Variants in BRIP1 observed in about 807,000 individuals in gnomAD.
BRIP1 encodes Fanconi anemia group J protein.
In BRIP1, 88 loss-of-function variants were observed where a neutral mutation model predicts 119.7. The ratio of observed to expected loss-of-function variants is 0.74; its 90% CI spans 0.62 to 0.88. The LOEUF (loss-of-function observed/expected upper bound fraction) is 0.88, where lower values mean the gene tolerates loss of function less well. BRIP1 is among the 40% of genes least tolerant of loss of function. The pLI is 0.00. For missense variants in BRIP1, 1,259 were observed against 1,455.4 expected, an observed-to-expected ratio of 0.87 and a Z score of 2.20; for synonymous variants, 443 against 496.5, an observed-to-expected ratio of 0.89 and a Z score of 1.43.
rs2061746913 is a variant in BRIP1 at position 61,709,969 on chromosome 17, A to G, written c.2492+5982T>C. On this transcript the variant is annotated intron_variant, in intron 17 of 19. Transcript: ENST00000259008. This position sits in a 1 kb window ranked among gnomAD's most constrained non-coding sequence, Gnocchi z 5.0. ...TACAAGAAGAGTGCCTCAGAGTATA[A>G]GCACCTTTTCTGTCAATCAATATAC... 1.3e-5 allele frequency among the ~76,000 whole-genome samples: 2 copies of G among 152,174 alleles called. No homozygotes were observed. The highest frequency in any genetic ancestry group is 2.4e-5 in the African/African-American group (1 of 41,456).
rs1297754665 is a variant in BRIP1, at chr17:61,853,187, T to C, written c.379+3871A>G. On this transcript the variant is annotated intron_variant, in intron 4 of 19. Coordinates refer to ENST00000259008, the MANE Select transcript of BRIP1 (RefSeq NM_032043.3). The surrounding 1 kb of genome is among the most constrained non-coding windows in gnomAD (Gnocchi z 4.3). ...CAACAGCATGAATGAATCTCACAAA[T>C]ACAATATTAAGCAGAAGACAGACAC... is the stretch of plus-strand genomic sequence containing the variant. Among the ~76,000 whole-genome samples, 1 of 151,550 alleles carries C rather than the reference T, an allele frequency of 6.6e-6. No homozygotes were observed. Among genetic ancestry groups the C allele is most frequent in the African/African-American group, 2.4e-5 (1 of 41,268 alleles).
chr17:61,688,851 G>A lies in BRIP1; in HGVS notation c.2576-2686C>T, dbSNP rs575791930. Among the ~76,000 whole-genome samples the A allele has an allele frequency of 2.5e-4, 38 of 150,180 alleles. 1 individual carries two copies. Among genetic ancestry groups the A allele is most frequent in the Admixed American group, 1.9e-3 (29 of 15,086 alleles). ...TTCAAGAAAATAATATAGAAAAAAA[G>A]GAGAATTTCAACAATGATAAAGAAT... On this transcript the variant is annotated intron_variant, in intron 18 of 19. Coordinates refer to ENST00000259008, the MANE Select transcript of BRIP1 (RefSeq NM_032043.3).
At position 61,816,371 on chromosome 17, in the gene BRIP1, T is replaced by C. The variant is rs376529179; in HGVS notation, c.628-7614A>G. Among the ~76,000 whole-genome samples the C allele has an allele frequency of 5.9e-5, 9 of 152,360 alleles. No homozygotes were observed. The East Asian group carries it at 1.5e-3, about 26-fold the overall frequency. On this transcript the variant is annotated intron_variant, in intron 6 of 19. Transcript: ENST00000259008. This position sits in a 1 kb window ranked among gnomAD's most constrained non-coding sequence, Gnocchi z 5.0. ...TGTGTAACTGAAGTCACTCAAATTC[T>C]ATTGTGAAGGTTGTAAGCAATATGT...
rs1349374639 is a variant in BRIP1 at position 61,823,092 on chromosome 17, A to G, written c.628-14335T>C. ...GCATCTTTCTTTAAAAGATTCATAC[A>G]TGTTTCCAATGCTGTTGTCAATATC... On this transcript the variant is annotated intron_variant, in intron 6 of 19. Transcript: ENST00000259008. This position sits in a 1 kb window ranked among gnomAD's most constrained non-coding sequence, Gnocchi z 4.8. Among the ~76,000 whole-genome samples the G allele has an allele frequency of 6.6e-6, 1 of 152,214 alleles. No individual in the cohort carries two copies. Among genetic ancestry groups the G allele is most frequent in the Admixed American group, 6.5e-5 (1 of 15,282 alleles).
rs560169472 is a variant in BRIP1, at chr17:61,796,974, T to C, written c.1340+2126A>G. Reference sequence around the variant, plus strand: ...TTACTTGAGGAACTGGTACATACTGTTTGCTTAGATGAGGAAGACTGGGGA... The same window carrying C: ...TTACTTGAGGAACTGGTACATACTGCTTGCTTAGATGAGGAAGACTGGGGA... On this transcript the variant is annotated intron_variant, in intron 9 of 19. Transcript: ENST00000259008. This position sits in a 1 kb window ranked among gnomAD's most constrained non-coding sequence, Gnocchi z 4.8. Among the ~76,000 whole-genome samples, 3 of 152,100 alleles carry C rather than the reference T, an allele frequency of 2.0e-5. No homozygotes were observed. In the East Asian group the frequency reaches 5.8e-4, roughly 29 times the overall value.
At chr17:61,863,097 G>A (rs1033254736) in intron 1 of BRIP1, among the ~76,000 whole-genome samples, 187 bp downstream of exon 1, 2 of 151,678 alleles carry the variant, frequency 1.3e-5, no homozygotes, top group Non-Finnish European at 2.9e-5. Flanking sequence ...GCAGCGCCCG[G>A]GCTAAGAACA....
chr17:61,777,082 T>C (rs2077546046), intron 13 of BRIP1, among the ~76,000 whole-genome samples: 1 of 152,124 alleles, frequency 6.6e-6, no homozygotes, highest in Non-Finnish European at 1.5e-5. Context: ...ATCTCCCTTA[T>C]ATGTAGAGAG....
In BRIP1 at chr17:61,758,310, C is replaced by T. The variant is rs1324603903; in HGVS notation, c.2098-13719G>A. 2.0e-5 allele frequency among the ~76,000 whole-genome samples: 3 copies of T among 152,116 alleles called. No homozygotes were observed. Among genetic ancestry groups the T allele is most frequent in the African/African-American group, 7.2e-5 (3 of 41,422 alleles). On this transcript the variant is annotated intron_variant, in intron 14 of 19. Transcript: ENST00000259008. The surrounding 1 kb of genome is among the most constrained non-coding windows in gnomAD (Gnocchi z 5.3). ...TTAACTGTAGGCGAAAAAGGCAACTCGTTTTCTATACTTCTGTAAATGGGC... is the reference window on the plus strand; with the variant it reads ...TTAACTGTAGGCGAAAAAGGCAACTTGTTTTCTATACTTCTGTAAATGGGC...
chr17:61,771,467 T>A (rs1274633279), intron 14 of BRIP1, among the ~76,000 whole-genome samples: 1 of 152,126 alleles, frequency 6.6e-6, no homozygotes, highest in Non-Finnish European at 1.5e-5. Flanking sequence ...ATACTTAACA[T>A]CACTAGTCAT....
chr17:61,704,515 C>A lies in BRIP1; in HGVS notation c.2493-11003G>T, dbSNP rs1418813775. Reference sequence around the variant, plus strand: ...TAAAATAAATTGAGAAGGATTACATCTTCTATTTTTTAGAAGAGATCTTGT... The same window carrying A: ...TAAAATAAATTGAGAAGGATTACATATTCTATTTTTTAGAAGAGATCTTGT... On this transcript the variant is annotated intron_variant, in intron 17 of 19. Coordinates refer to ENST00000259008, the MANE Select transcript of BRIP1 (RefSeq NM_032043.3). This position sits in a 1 kb window ranked among gnomAD's most constrained non-coding sequence, Gnocchi z 5.7. Among the ~76,000 whole-genome samples, 3 of 151,920 alleles carry A rather than the reference C, an allele frequency of 2.0e-5. No individual in the cohort carries two copies. The highest frequency in any genetic ancestry group is 7.3e-5 in the African/African-American group (3 of 41,362).
At position 61,745,307 on chromosome 17, in the gene BRIP1, A is replaced by C. The variant is rs1412487363; in HGVS notation, c.2098-716T>G. ...TATTTCAACAGTTATGCCATGGTAG[A>C]TTAAAAGTCAATAATATAAAGTCAT... On this transcript the variant is annotated intron_variant, in intron 14 of 19. Transcript: ENST00000259008. This position sits in a 1 kb window ranked among gnomAD's most constrained non-coding sequence, Gnocchi z 4.4. 6.6e-6 allele frequency among the ~76,000 whole-genome samples: 1 copy of C among 152,208 alleles called. No individual in the cohort carries two copies. The highest frequency in any genetic ancestry group is 2.4e-5 in the African/African-American group (1 of 41,450).
chr17:61,692,302 C>G (rs921947326), intron 18 of BRIP1, among the ~76,000 whole-genome samples: 1 of 152,150 alleles, frequency 6.6e-6, no homozygotes, highest in Admixed American at 6.5e-5. Context: ...CAAAATTAGA[C>G]AAGGAAGACC....
rs192175002 is a variant in BRIP1 at position 61,789,347 on chromosome 17, T to C, written c.1473+4250A>G. Reference sequence around the variant, plus strand: ...AGGTAGCAGAGGTAGCATTACAAATTAGAGGGAAATTAATATGCACTATTT... The same window carrying C: ...AGGTAGCAGAGGTAGCATTACAAATCAGAGGGAAATTAATATGCACTATTT... On this transcript the variant is annotated intron_variant, in intron 10 of 19. Coordinates refer to ENST00000259008, the MANE Select transcript of BRIP1 (RefSeq NM_032043.3). The surrounding 1 kb of genome is among the most constrained non-coding windows in gnomAD (Gnocchi z 4.8). Among the ~76,000 whole-genome samples, 335 of 152,028 alleles carry C rather than the reference T, an allele frequency of 2.2e-3. 2 individuals are homozygous for C. Among genetic ancestry groups the C allele is most frequent in the Non-Finnish European group, 3.6e-3 (243 of 67,966 alleles).
In BRIP1 at chr17:61,827,064, A is replaced by G. The variant is rs1051689947; in HGVS notation, c.628-18307T>C. Among the ~76,000 whole-genome samples, 4 of 148,850 alleles carry G rather than the reference A, an allele frequency of 2.7e-5. No homozygotes were observed. The highest frequency in any genetic ancestry group is 1.4e-4 in the Admixed American group (2 of 14,732). On this transcript the variant is annotated intron_variant, in intron 6 of 19. Transcript: ENST00000259008. This position sits in a 1 kb window ranked among gnomAD's most constrained non-coding sequence, Gnocchi z 5.8. ...AGACTAGATTTTAAAAATGTGGTAC[A>G]TATACACTGTGGAATACTATGTAGC...
chr17:61,768,793 A>G lies in BRIP1; in HGVS notation c.2097+7608T>C, dbSNP rs1006957702. Among the ~76,000 whole-genome samples the G allele has an allele frequency of 3.9e-5, 6 of 152,126 alleles. No homozygotes were observed. The highest frequency in any genetic ancestry group is 8.8e-5 in the Non-Finnish European group (6 of 68,024). Reference sequence around the variant, plus strand: ...TATATTATGTAGTAAAGATGAGGGGATTTTATGAACGTAATTAAGGTCTAC... The same window carrying G: ...TATATTATGTAGTAAAGATGAGGGGGTTTTATGAACGTAATTAAGGTCTAC... On this transcript the variant is annotated intron_variant, in intron 14 of 19. Coordinates refer to ENST00000259008, the MANE Select transcript of BRIP1 (RefSeq NM_032043.3). The surrounding 1 kb of genome is among the most constrained non-coding windows in gnomAD (Gnocchi z 5.0).
Position 61,680,543 on chromosome 17 carries a change from A to T in BRIP1, c.*2753T>A, listed in dbSNP as rs530482603. On this transcript the variant is annotated 3_prime_UTR_variant, in exon 20 of 20. Coordinates refer to ENST00000259008, the MANE Select transcript of BRIP1 (RefSeq NM_032043.3). ...CGCCCAGGCTGGAGTGCAGTGGCGC[A>T]ATCTCGGCTCACTGCAAGCTCCACC... 2.3e-5 allele frequency among the ~76,000 whole-genome samples: 3 copies of T among 133,022 alleles called. No homozygotes were observed. Among genetic ancestry groups the T allele is most frequent in the East Asian group, 4.7e-4 (2 of 4,254 alleles). The allele number at this position is 133,022 out of a possible 152,430, so 87.3% of individuals were successfully genotyped here. A position where few individuals can be genotyped will look rare whatever the true frequency, so the allele number is the denominator to read the frequency against.
rs1414405036 is a variant in BRIP1 at position 61,745,273 on chromosome 17, T to C, written c.2098-682A>G. Among the ~76,000 whole-genome samples, 1 of 152,202 alleles carries C rather than the reference T, an allele frequency of 6.6e-6. No individual in the cohort carries two copies. The highest frequency in any genetic ancestry group is 2.4e-5 in the African/African-American group (1 of 41,452). ...CAAATTTTAAGCAATCCTTATCATATTGATCACATATTTCAACAGTTATGC... is the reference window on the plus strand; with the variant it reads ...CAAATTTTAAGCAATCCTTATCATACTGATCACATATTTCAACAGTTATGC... On this transcript the variant is annotated intron_variant, in intron 14 of 19. Coordinates refer to ENST00000259008, the MANE Select transcript of BRIP1 (RefSeq NM_032043.3). This position sits in a 1 kb window ranked among gnomAD's most constrained non-coding sequence, Gnocchi z 4.4.
chr17:61,702,901 T>G (rs2061635629), intron 17 of BRIP1, among the ~76,000 whole-genome samples: 1 of 152,086 alleles, frequency 6.6e-6, no homozygotes, highest in Non-Finnish European at 1.5e-5. Context: ...CCACAGTGGC[T>G]GAACTAATTT....
rs765147876 is a variant in BRIP1 at position 61,808,459 on chromosome 17, T to G, written c.918+8A>C. The stretch of plus-strand genomic sequence containing the variant: ...ATTTTTTCTCTAACACAAAATAACT[T>G]TACTCACGTTTTTCCCATCTAGCAA... On this transcript the variant is annotated splice_region_variant and intron_variant, in intron 7 of 19. Transcript: ENST00000259008. The surrounding 1 kb of genome is among the most constrained non-coding windows in gnomAD (Gnocchi z 4.1). 2 of 1,607,584 alleles carry G rather than the reference T, an allele frequency of 1.2e-6. No homozygotes were observed. The highest frequency in any genetic ancestry group is 1.1e-5 in the South Asian group (1 of 90,944).
Sources: allele counts gnomAD v4.1 joint callset (sites outside exome capture counted in the v4.1 genomes callset), GRCh38; gene constraint gnomAD v4.1.1; non-coding constraint Gnocchi (gnomAD v3.1); transcripts MANE v1.5; gene names NCBI Gene and HGNC (gene_info 2026-07-23, HGNC 2026-07-21).